The following STC1 variants were observed in gnomAD, a reference collection of about 807,000 sequenced individuals.
STC1 encodes the protein stanniocalcin-1.
A neutral mutation model predicts 22.6 loss-of-function variants in STC1; 7 were observed. That is an observed-to-expected ratio of 0.31 (90% CI 0.18 to 0.58). STC1 has a LOEUF of 0.58. Among genes scored for constraint, STC1 ranks in the 20% least tolerant of loss-of-function variants. The pLI, the probability that STC1 is intolerant of heterozygous loss-of-function variation, is 0.89. For missense variants in STC1, 224 were observed against 311.0 expected (o/e 0.72, Z 2.10); for synonymous variants, 113 against 120.7 (o/e 0.94, Z 0.42).
chr8:23,854,706 G>A lies in STC1; in HGVS notation c.-183C>T, dbSNP rs970208145. 28 of 614,282 alleles carry A rather than the reference G, an allele frequency of 4.6e-5. No homozygotes were observed. The highest frequency in any genetic ancestry group is 2.2e-4 in the South Asian group (13 of 59,966). The allele number at this position is 614,282 out of a possible 1,614,324, so 38.1% of individuals were successfully genotyped here. On this transcript the variant is annotated 5_prime_UTR_variant, in exon 1 of 4. Coordinates refer to ENST00000290271, the MANE Select transcript of STC1 (RefSeq NM_003155.3). ...TGCTGCTGCTGCCACCGGTGCCTCC[G>A]CTGCTGCTGCTGCTGCCGCCGCTGC...
rs1802528171 is a variant in STC1 at position 23,842,681 on chromosome 8, G to C, written c.*2089C>G. The C allele has an allele frequency of 6.6e-6, 1 of 152,452 alleles. No individual in the cohort carries two copies. Among genetic ancestry groups the C allele is most frequent in the African/African-American group, 2.4e-5 (1 of 41,390 alleles). 9.4% of individuals were successfully genotyped at this position (152,452 alleles called of 1,614,324 possible). On this transcript the variant is annotated 3_prime_UTR_variant, in exon 4 of 4. Coordinates refer to ENST00000290271, the MANE Select transcript of STC1 (RefSeq NM_003155.3). ...AGTCAGCCTTGCCTGGGGGTGGGAA[G>C]TGTGGGAGGGAGGGGAAGAGTCTAA...
At chr8:23,852,765 T>A (rs947063487) in intron 1 of STC1, among the ~76,000 whole-genome samples, 1 of 152,164 alleles carries the variant, frequency 6.6e-6, no homozygotes, top group African/African-American at 2.4e-5. Context: ...AAGGAGACAG[T>A]GGCTAGTGGT....
chr8:23,844,976 C>G lies in STC1; in HGVS notation c.538G>C (p.Asp180His). 6.2e-7 allele frequency: 1 copy of G among 1,614,148 alleles called. No homozygotes were observed. Among genetic ancestry groups the G allele is most frequent in the Non-Finnish European group, 8.5e-7 (1 of 1,180,034 alleles). Residue 180 changes from aspartate to histidine, a missense_variant, in exon 4 of 4, where the codon GAC (aspartate) becomes CAC (histidine). Coordinates refer to ENST00000290271, the MANE Select transcript of STC1 (RefSeq NM_003155.3). The part of the protein sequence containing the change: ...CDEDTVSTIR[D>H]SLMEKIGPNM... The stretch of plus-strand genomic sequence containing the variant: ...GGCCCAATTTTCTCCATCAGGCTGT[C>G]TCTGATTGTGCTGACTGTGTCTTCA...
chr8:23,844,673 T>A lies in STC1; in HGVS notation c.*97A>T, dbSNP rs552192443. On this transcript the variant is annotated 3_prime_UTR_variant, in exon 4 of 4. Transcript: ENST00000290271. ...GGGGGATAGAAAATAGGAACTACTT[T>A]AAAAAAATCAAACCAGGCACAGTAC... 78 of 1,428,184 alleles carry A rather than the reference T, an allele frequency of 5.5e-5. No individual in the cohort carries two copies. The East Asian group carries it at 1.4e-3, about 25-fold the overall frequency. 88.5% of individuals were successfully genotyped at this position (1,428,184 alleles called of 1,614,324 possible).
chr8:23,844,995 G>A lies in STC1; in HGVS notation c.519C>T (p.Asp173=). 6.2e-7 allele frequency: 1 copy of A among 1,614,148 alleles called. No individual in the cohort carries two copies. The highest frequency in any genetic ancestry group is 8.5e-7 in the Non-Finnish European group (1 of 1,180,028). ...LVRSLLECDE[D]TVSTIRDSLM... ...GGCTGTCTCTGATTGTGCTGACTGT[G>A]TCTTCATCACATTCCAGCAGGCTTC... The change falls in exon 4 of 4, where the codon GAC becomes GAT. Residue 173 remains aspartate, a synonymous_variant. Transcript: ENST00000290271.
In STC1 at chr8:23,842,680, A is replaced by G. The variant is rs1802528137; in HGVS notation, c.*2090T>C. ...AAGTCAGCCTTGCCTGGGGGTGGGA[A>G]GTGTGGGAGGGAGGGGAAGAGTCTA... is the stretch of plus-strand genomic sequence containing the variant. On this transcript the variant is annotated 3_prime_UTR_variant, in exon 4 of 4. Transcript: ENST00000290271. 6.7e-6 allele frequency: 1 copy of G among 148,868 alleles called. No homozygotes were observed. The highest frequency in any genetic ancestry group is 1.5e-5 in the Non-Finnish European group (1 of 67,048). The allele number at this position is 148,868 out of a possible 1,614,324, so 9.2% of individuals were successfully genotyped here. A position where few individuals can be genotyped will look rare whatever the true frequency, so the allele number is the denominator to read the frequency against.
chr8:23,854,613 G>T lies in STC1; in HGVS notation c.-90C>A. Reference sequence around the variant, plus strand: ...CTCTCCTGGCTTGAGTGAAGATGTGGATCTGGATACACTGAAAGCTTAGGT... The same window carrying T: ...CTCTCCTGGCTTGAGTGAAGATGTGTATCTGGATACACTGAAAGCTTAGGT... On this transcript the variant is annotated 5_prime_UTR_variant, in exon 1 of 4. Transcript: ENST00000290271. 9.2e-7 allele frequency: 1 copy of T among 1,081,862 alleles called. No homozygotes were observed. The highest frequency in any genetic ancestry group is 1.4e-6 in the Non-Finnish European group (1 of 698,096). 67.0% of individuals were successfully genotyped at this position (1,081,862 alleles called of 1,614,324 possible).
rs1802519779 is a variant in STC1, at chr8:23,842,261, G to C, written c.*2509C>G. 1 of 152,312 alleles carries C rather than the reference G, an allele frequency of 6.6e-6. No individual in the cohort carries two copies. Among genetic ancestry groups the C allele is most frequent in the African/African-American group, 2.4e-5 (1 of 41,352 alleles). The allele number at this position is 152,312 out of a possible 1,614,324, so 9.4% of individuals were successfully genotyped here. ...CACAAGAGAAGAATCATGCAAACTG[G>C]TCTAGGTCAGCCCCCGAATCACTCT... On this transcript the variant is annotated 3_prime_UTR_variant, in exon 4 of 4. Coordinates refer to ENST00000290271, the MANE Select transcript of STC1 (RefSeq NM_003155.3).
chr8:23,852,155 C>T (rs1802645642), intron 2 of STC1, 87 bp downstream of exon 2: 2 of 1,556,280 alleles, frequency 1.3e-6, no homozygotes, highest in Admixed American at 3.4e-5. Flanking sequence ...AGGGCTGGTT[C>T]CCTACAAGAC....
intron 3 of STC1, 58 bp downstream of exon 3, chr8:23,851,262 G>T (rs1802634375): frequency 6.4e-7 from 1 of 1,566,126 alleles, no homozygotes; most frequent in African/African-American, 1.4e-5. Context: ...GTCTGGCTCT[G>T]CCAGCCAGCC....
chr8:23,850,269 A>G (rs775718305), intron 3 of STC1, among the ~76,000 whole-genome samples: 8 of 152,248 alleles, frequency 5.3e-5, no homozygotes, highest in Non-Finnish European at 1.0e-4. Flanking sequence ...GCACCTGGCT[A>G]GGAAATTAAT....
intron 3 of STC1, among the ~76,000 whole-genome samples, chr8:23,848,525 C>A (rs1314398447): frequency 6.5e-5 from 6 of 92,164 alleles, no homozygotes; most frequent in African/African-American, 1.9e-4. Context: ...GAGCGATACT[C>A]TGTCAAAAAA....
intron 1 of STC1, chr8:23,853,917 A>G (rs1472210708): frequency 3.1e-6 from 2 of 643,356 alleles, no homozygotes; most frequent in Non-Finnish European, 3.9e-6. Flanking sequence ...CTTGAGGGCT[A>G]TGGTTCTGAA....
intron 2 of STC1, 52 bp downstream of exon 2, chr8:23,852,188 AAC>A: frequency 6.2e-7 from 1 of 1,611,308 alleles, no homozygotes; most frequent in Non-Finnish European, 8.5e-7. Context: ...ACCATGGTCT[AAC>A]ACACTGTTAA....
chr8:23,847,818 A>G (rs546182462), intron 3 of STC1, among the ~76,000 whole-genome samples: 15 of 152,342 alleles, frequency 9.8e-5, no homozygotes, highest in African/African-American at 3.6e-4. Flanking sequence ...TATTGGTAGG[A>G]TGTGTCCATC....
chr8:23,847,714 T>C (rs1057287521), intron 3 of STC1, among the ~76,000 whole-genome samples: 1 of 152,242 alleles, frequency 6.6e-6, no homozygotes, highest in Non-Finnish European at 1.5e-5. Flanking sequence ...AGATGGATTA[T>C]TTAAGAGGTT....
chr8:23,854,212 G>A, intron 1 of STC1, 194 bp downstream of exon 1: 3 of 1,077,058 alleles, frequency 2.8e-6, no homozygotes, highest in Non-Finnish European at 2.6e-6. Flanking sequence ...CAGCTTCTTC[G>A]TTTAGTTGCA....
intron 3 of STC1, among the ~76,000 whole-genome samples, chr8:23,850,662 G>A (rs1802627182): frequency 6.6e-6 from 1 of 152,124 alleles, no homozygotes; most frequent in Non-Finnish European, 1.5e-5. Context: ...AGATGAGAAT[G>A]GGATCTGGAC....
intron 3 of STC1, 34 bp downstream of exon 3, chr8:23,851,286 C>T (rs1033007635): frequency 4.5e-5 from 73 of 1,610,578 alleles, no homozygotes; most frequent in Non-Finnish European, 5.9e-5. Flanking sequence ...TGCTCCCAGT[C>T]CCCTGATTGT....
Sources: gnomAD v4.1 joint callset for allele counts (sites outside exome capture counted in the v4.1 genomes callset) on GRCh38, gnomAD v4.1.1 for gene constraint, MANE v1.5 for transcripts, NCBI Gene and HGNC (gene_info 2026-07-23, HGNC 2026-07-21) for gene names.